NAV2: variants seen among roughly 807,000 people sequenced by gnomAD.
The protein encoded by NAV2 is neuron navigator 2.
A neutral mutation model predicts 223.2 loss-of-function variants in NAV2; 54 were observed. The ratio of observed to expected loss-of-function variants is 0.24; its 90% CI spans 0.19 to 0.30. The LOEUF is 0.30. NAV2 is among the 10% of genes least tolerant of loss of function. NAV2 has a pLI of 1.00. For synonymous variants in NAV2, 1,279 were observed against 1,239.3 expected, an observed-to-expected ratio of 1.03 and a Z score of -0.67; for missense variants, 2,806 against 3,147.5, an observed-to-expected ratio of 0.89 and a Z score of 2.60.
At chr11:19,897,858 TGAGCC>T (rs1484641000) in intron 6 of NAV2, among the ~76,000 whole-genome samples, 1 of 130,404 alleles carries the variant, frequency 7.7e-6, no homozygotes, top group African/African-American at 3.0e-5. Context: ...CAAGCAGCAA[TGAGCC>T]ACAGCTGTGC....
intron 1 of NAV2, among the ~76,000 whole-genome samples, chr11:19,524,840 A>G (rs2043794874): frequency 1.3e-5 from 2 of 152,176 alleles, no homozygotes; most frequent in Non-Finnish European, 1.5e-5. Flanking sequence ...TAGGCTTTCT[A>G]CAATTGTTAT....
At chr11:19,686,724 G>A (rs570298557) in intron 1 of NAV2, among the ~76,000 whole-genome samples, 158 of 152,324 alleles carry the variant, frequency 1.0e-3, no homozygotes, top group Non-Finnish European at 1.2e-3. Context: ...GACTCGAGGA[G>A]GCCCGGATTA....
intron 11 of NAV2, among the ~76,000 whole-genome samples, chr11:19,986,164 G>C (rs941391874): frequency 6.6e-6 from 1 of 152,200 alleles, no homozygotes; most frequent in Admixed American, 6.5e-5. Flanking sequence ...GATCACAGTT[G>C]AGCTTGTTTC....
intron 10 of NAV2, among the ~76,000 whole-genome samples, chr11:19,954,408 A>C (rs1047527123): frequency 6.6e-6 from 1 of 152,138 alleles, no homozygotes; most frequent in Non-Finnish European, 1.5e-5. Flanking sequence ...ATGCTGAATT[A>C]ATTAAAGTCA....
intron 1 of NAV2, among the ~76,000 whole-genome samples, chr11:19,820,546 T>C (rs753888097): frequency 1.8e-4 from 27 of 152,344 alleles, no homozygotes; most frequent in Non-Finnish European, 3.8e-4. Context: ...CTTGGACTTA[T>C]TTGATTTTCC....
chr11:19,797,281 G>A (rs888285022), intron 1 of NAV2, among the ~76,000 whole-genome samples: 1 of 152,110 alleles, frequency 6.6e-6, no homozygotes, highest in Non-Finnish European at 1.5e-5. Flanking sequence ...AACAATTCCT[G>A]AATCTCAGGT....
chr11:19,531,888 G>GA (rs1369302165), intron 1 of NAV2, among the ~76,000 whole-genome samples: 1 of 152,124 alleles, frequency 6.6e-6, no homozygotes. Flanking sequence ...TTAAAATGTG[G>GA]AAAAAATGTG....
chr11:19,616,258 C>T (rs2135373463), intron 1 of NAV2, among the ~76,000 whole-genome samples: 1 of 151,716 alleles, frequency 6.6e-6, no homozygotes, highest in South Asian at 2.1e-4. Flanking sequence ...TAATGTGGGC[C>T]CACCTCTCAT....
chr11:19,490,240 G>A (rs2042579916), intron 1 of NAV2, among the ~76,000 whole-genome samples: 1 of 152,168 alleles, frequency 6.6e-6, no homozygotes, highest in South Asian at 2.1e-4. Context: ...AGTTGGCATG[G>A]CTGTGGCAAT....
chr11:19,518,462 C>T (rs1435540640), intron 1 of NAV2: 1 of 152,266 alleles, frequency 6.6e-6, no homozygotes, highest in African/African-American at 2.4e-5. Flanking sequence ...GACATTACTC[C>T]ACCTCCAACC....
chr11:20,106,630 T>C (rs1342905971), intron 35 of NAV2, among the ~76,000 whole-genome samples: 1 of 150,978 alleles, frequency 6.6e-6, no homozygotes, highest in Non-Finnish European at 1.5e-5. Flanking sequence ...TCAGTTGTTG[T>C]TTTTGTTTTT....
At chr11:19,652,632 G>A (rs952990808) in intron 1 of NAV2, among the ~76,000 whole-genome samples, 36 of 152,122 alleles carry the variant, frequency 2.4e-4, no homozygotes, top group African/African-American at 7.2e-4. Context: ...AGAAGGATGC[G>A]TGGTAAAAAG....
intron 35 of NAV2, among the ~76,000 whole-genome samples, chr11:20,106,155 G>GTGTGTGTGTATATA (rs369895690): frequency 3.2e-5 from 1 of 31,498 alleles, no homozygotes; most frequent in Non-Finnish European, 1.0e-4. Flanking sequence ...GTGTGTGTGT[G>GTGTGTGTGTATATA]TATATATATA....
At chr11:20,055,721 A>G (rs771677249) in intron 18 of NAV2, 48 bp from the exon 19 acceptor site, 11 of 1,538,044 alleles carry the variant, frequency 7.2e-6, no homozygotes, top group Non-Finnish European at 8.9e-6. Flanking sequence ...CAGGATTTGA[A>G]CAGAGACATG....
At chr11:19,538,181 G>A (rs1363299115) in intron 1 of NAV2, among the ~76,000 whole-genome samples, 1 of 152,160 alleles carries the variant, frequency 6.6e-6, no homozygotes, top group Non-Finnish European at 1.5e-5. Flanking sequence ...ATATTGGAAG[G>A]ATCCTGGTGA....
chr11:19,367,965 A>G (rs1019350890), intron 1 of NAV2, among the ~76,000 whole-genome samples: 1 of 152,176 alleles, frequency 6.6e-6, no homozygotes, highest in African/African-American at 2.4e-5. Flanking sequence ...CATAATCACA[A>G]ACTGACTGTC....
chr11:19,720,223 A>G (rs2050644042), intron 1 of NAV2, among the ~76,000 whole-genome samples: 1 of 152,254 alleles, frequency 6.6e-6, no homozygotes. Context: ...GAGATGGACA[A>G]TGTGTTCCTA....
chr11:19,492,677 C>T (rs1590326074), intron 1 of NAV2, among the ~76,000 whole-genome samples: 1 of 152,132 alleles, frequency 6.6e-6, no homozygotes, highest in Non-Finnish European at 1.5e-5. Flanking sequence ...TTCCTCTGTC[C>T]TATTTAGCAA....
chr11:20,097,697 T>C lies in NAV2; in HGVS notation c.6133T>C (p.Cys2045Arg). 6.2e-7 allele frequency: 1 copy of C among 1,611,862 alleles called. No homozygotes were observed. Among genetic ancestry groups the C allele is most frequent in the Non-Finnish European group, 8.5e-7 (1 of 1,179,450 alleles). The change falls in exon 31 of 38, where the codon TGT becomes CGT. Residue 2045 changes from cysteine to arginine, a missense_variant. Around this residue, in one of 4 missense-constraint regions of NAV2, gnomAD observed 824 missense variants for 1,069.4 expected, o/e 0.77. Transcript: ENST00000349880. ...NTSETPELLP[C>R]GYLVGENTTI... ...TTCCGAAACACCGGAGCTGCTTCCT[T>C]GTGGCTATCTGGTTGGAGAGAACAC...
Sources: gnomAD v4.1 joint callset for allele counts (sites outside exome capture counted in the v4.1 genomes callset) on GRCh38, gnomAD v4.1.1 for gene constraint, gnomAD v4.1.1 regional missense constraint, MANE v1.5 for transcripts, NCBI Gene and HGNC (gene_info 2026-07-23, HGNC 2026-07-21) for gene names.